The following CDH12 variants were observed in gnomAD, a reference collection of about 807,000 sequenced individuals.
CDH12 encodes cadherin-12.
In CDH12, 41 loss-of-function variants were observed where a neutral mutation model predicts 74.1. The observed-to-expected ratio is 0.55, with a 90% CI of 0.43 to 0.72. The LOEUF (loss-of-function observed/expected upper bound fraction) is 0.72, where lower values mean the gene tolerates loss of function less well. Ranked by LOEUF, CDH12 falls within the 30% of genes least tolerant of loss-of-function variation. The probability of loss-of-function intolerance (pLI) is 0.00; values close to 1 mark genes in which losing one functional copy is unlikely to be tolerated. For missense variants in CDH12, 945 were observed against 977.2 expected (o/e 0.97, Z 0.44); for synonymous variants, 399 against 355.0 (o/e 1.12, Z -1.39).
rs148758739 is a variant in CDH12 at position 21,879,406 on chromosome 5, C to T, written c.527-24616G>A. Among the ~76,000 whole-genome samples, 1,305 of 150,574 alleles carry T rather than the reference C, an allele frequency of 8.7e-3. 8 individuals are homozygous for T. The highest frequency in any genetic ancestry group is 0.014 in the Non-Finnish European group (945 of 68,014). ...GGGAACAGTGAACTTAACCTAGTGC[C>T]TCCACAATACATGCAGATATCTGGA... is the stretch of plus-strand genomic sequence containing the variant. On this transcript the variant is annotated intron_variant, in intron 6 of 14. Coordinates refer to ENST00000382254, the MANE Select transcript of CDH12 (RefSeq NM_004061.5).
At chr5:22,302,362 A>G (rs3099037) in intron 3 of CDH12, among the ~76,000 whole-genome samples, 65,509 of 152,046 alleles carry the variant, frequency 0.43, 14,956 homozygotes, top group Admixed American at 0.54. Flanking sequence ...TCATGTATAT[A>G]TAAGTGTGAT....
rs1737003582 is a variant in CDH12 at position 22,839,777 on chromosome 5, C to CACA, written c.-523+13278_-523+13280dup. Among the ~76,000 whole-genome samples, 4 of 152,282 alleles carry CACA rather than the reference C, an allele frequency of 2.6e-5. 1 individual carries two copies. The South Asian group carries it at 8.3e-4, about 32-fold the overall frequency. On this transcript the variant is annotated intron_variant, in intron 1 of 14. Transcript: ENST00000382254. Reference sequence around the variant, plus strand: ...GTTTGTACACGTGCTTGTATAAATGCACAACCACAATTTCATTGTAGTTTG... The same window carrying CACA: ...GTTTGTACACGTGCTTGTATAAATGCACAACAACCACAATTTCATTGTAGTTTG...
intron 1 of CDH12, among the ~76,000 whole-genome samples, chr5:22,763,643 A>G (rs1470526590): frequency 3.3e-5 from 5 of 151,944 alleles, no homozygotes; most frequent in African/African-American, 9.7e-5. Flanking sequence ...TTTCTAACCT[A>G]TAAAAGTAAG....
intron 1 of CDH12, among the ~76,000 whole-genome samples, chr5:22,824,744 GA>G (rs1019478302): frequency 4.0e-5 from 6 of 151,768 alleles, no homozygotes; most frequent in Middle Eastern, 4.0e-3. Flanking sequence ...ATAAGATAGA[GA>G]AAAAAATTCA....
intron 2 of CDH12, among the ~76,000 whole-genome samples, chr5:22,457,219 A>T (rs1333444968): frequency 6.6e-6 from 1 of 152,130 alleles, no homozygotes; most frequent in Non-Finnish European, 1.5e-5. Context: ...GGCTGCTGTG[A>T]CAAAATACTA....
At position 22,443,305 on chromosome 5, in the gene CDH12, G is replaced by A. The variant is rs150300537; in HGVS notation, c.-427-37954C>T. Among the ~76,000 whole-genome samples the A allele has an allele frequency of 5.4e-3, 828 of 152,200 alleles. 6 individuals are homozygous for A. Among genetic ancestry groups the A allele is most frequent in the Admixed American group, 6.9e-3 (105 of 15,268 alleles). ...TATATTTAGAAATCATCTTTTGAAGGCCAAGACAGCTTTAGTAATTGGTAG... is the reference window on the plus strand; with the variant it reads ...TATATTTAGAAATCATCTTTTGAAGACCAAGACAGCTTTAGTAATTGGTAG... On this transcript the variant is annotated intron_variant, in intron 2 of 14. Coordinates refer to ENST00000382254, the MANE Select transcript of CDH12 (RefSeq NM_004061.5).
chr5:22,352,128 T>G (rs897995445), intron 3 of CDH12, among the ~76,000 whole-genome samples: 1 of 148,484 alleles, frequency 6.7e-6, no homozygotes, highest in Non-Finnish European at 1.5e-5. Flanking sequence ...TTAGACTTGT[T>G]TTTTTTTTTT....
At chr5:22,503,270 AG>A (rs1344813583) in intron 2 of CDH12, among the ~76,000 whole-genome samples, 1 of 152,132 alleles carries the variant, frequency 6.6e-6, no homozygotes. Flanking sequence ...AAAATGTTAA[AG>A]AAATAATACA....
At chr5:22,158,107 AT>A (rs1176696227) in intron 4 of CDH12, among the ~76,000 whole-genome samples, 1 of 152,038 alleles carries the variant, frequency 6.6e-6, no homozygotes, top group South Asian at 2.1e-4. Context: ...TATCCATTTC[AT>A]ATTTTTTCTC....
intron 8 of CDH12, among the ~76,000 whole-genome samples, chr5:21,827,284 T>C (rs1353068372): frequency 2.0e-5 from 3 of 152,142 alleles, no homozygotes; most frequent in African/African-American, 7.2e-5. Flanking sequence ...TAATTTTAGC[T>C]AGACTGAGTG....
At chr5:22,728,027 A>G (rs1054788916) in intron 1 of CDH12, among the ~76,000 whole-genome samples, 9 of 151,784 alleles carry the variant, frequency 5.9e-5, no homozygotes, top group African/African-American at 2.2e-4. Flanking sequence ...TAACTACTTC[A>G]CCATTTGTTA....
rs1554007030 is a variant in CDH12, at chr5:22,831,351, T to TGTGTGTGTGTG, written c.-523+21706_-523+21707insCACACACACAC. On this transcript the variant is annotated intron_variant, in intron 1 of 14. Transcript: ENST00000382254. ...CAAAGGAAGGTAGGGGTTTTGGAGT[T>TGTGTGTGTGTG]TGTGTGTGTGTGTGTGTGTCTGTGT... Among the ~76,000 whole-genome samples, 183 of 138,638 alleles carry TGTGTGTGTGTG rather than the reference T, an allele frequency of 1.3e-3. 2 individuals are homozygous for TGTGTGTGTGTG. The highest frequency in any genetic ancestry group is 3.4e-3 in the East Asian group (16 of 4,766). 91.0% of individuals were successfully genotyped at this position (138,638 alleles called of 152,430 possible).
intron 3 of CDH12, among the ~76,000 whole-genome samples, chr5:22,293,519 C>T (rs1285314766): frequency 6.6e-6 from 1 of 152,116 alleles, no homozygotes; most frequent in African/African-American, 2.4e-5. Context: ...TCTGCACTCT[C>T]ATTTTTATTG....
intron 1 of CDH12, among the ~76,000 whole-genome samples, chr5:22,617,144 G>A (rs187235769): frequency 6.6e-4 from 100 of 152,068 alleles, no homozygotes; most frequent in Non-Finnish European, 1.2e-3. Context: ...AAAGTGCTGG[G>A]ATTAAAGAAA....
At chr5:22,758,832 A>G (rs1746064783) in intron 1 of CDH12, among the ~76,000 whole-genome samples, 1 of 152,176 alleles carries the variant, frequency 6.6e-6, no homozygotes, top group Non-Finnish European at 1.5e-5. Flanking sequence ...CATGGCTCAA[A>G]TAATCATCTT....
At chr5:22,326,837 G>A (rs888055497) in intron 3 of CDH12, among the ~76,000 whole-genome samples, 1 of 152,138 alleles carries the variant, frequency 6.6e-6, no homozygotes, top group African/African-American at 2.4e-5. Context: ...CCAAAAGGCA[G>A]TGTTGTATAT....
chr5:22,058,031 A>ATCTATCTATCTG (rs1554005021), intron 5 of CDH12, among the ~76,000 whole-genome samples: 6 of 150,402 alleles, frequency 4.0e-5, no homozygotes, highest in Non-Finnish European at 8.9e-5. Flanking sequence ...CTATCTATCT[A>ATCTATCTATCTG]TCTATCTATC....
intron 6 of CDH12, among the ~76,000 whole-genome samples, chr5:21,899,125 T>A (rs896216478): frequency 6.6e-6 from 1 of 152,206 alleles, no homozygotes; most frequent in African/African-American, 2.4e-5. Flanking sequence ...ATCCTTAACA[T>A]CTAAATTTAA....
rs950948524 is a variant in CDH12, at chr5:22,012,326, TA to T, written c.232-36942del. ...AATAAGTGAAAGAGTTGTTAGACTT[TA>T]AAAAAAACATTACAATAGTGAGAAA... On this transcript the variant is annotated intron_variant, in intron 5 of 14. Transcript: ENST00000382254. Among the ~76,000 whole-genome samples, 20 of 151,750 alleles carry T rather than the reference TA, an allele frequency of 1.3e-4. 1 individual carries two copies. The highest frequency in any genetic ancestry group is 2.1e-4 in the South Asian group (1 of 4,822).
Sources: gnomAD v4.1 joint callset for allele counts (sites outside exome capture counted in the v4.1 genomes callset) on GRCh38, gnomAD v4.1.1 for gene constraint, MANE v1.5 for transcripts, NCBI Gene and HGNC (gene_info 2026-07-23, HGNC 2026-07-21) for gene names.